Variants in BMPR2 observed in about 807,000 individuals in gnomAD.
BMPR2 encodes the protein bone morphogenetic protein receptor type-2.
In BMPR2, 29 loss-of-function variants were observed where a neutral mutation model predicts 100.8. The observed-to-expected ratio is 0.29, with a 90% CI of 0.21 to 0.39. The LOEUF (loss-of-function observed/expected upper bound fraction) is 0.39. Ranked by LOEUF, BMPR2 falls within the 10% of genes least tolerant of loss-of-function variation. BMPR2 has a pLI of 1.00. For synonymous variants in BMPR2, 382 were observed against 442.3 expected, an observed-to-expected ratio of 0.86 and a Z score of 1.71; for missense variants, 1,011 against 1,274.5, an observed-to-expected ratio of 0.79 and a Z score of 3.15.
intron 1 of BMPR2, among the ~76,000 whole-genome samples, chr2:202,452,399 C>T (rs890936815): frequency 6.6e-5 from 10 of 152,206 alleles, no homozygotes; most frequent in East Asian, 3.9e-4. Flanking sequence ...CAGTTGTTTA[C>T]GTATTGTAAA....
chr2:202,484,892 C>G (rs1326235118), intron 3 of BMPR2, among the ~76,000 whole-genome samples: 3 of 144,888 alleles, frequency 2.1e-5, no homozygotes, highest in Non-Finnish European at 4.5e-5. Context: ...CGGCATGAAC[C>G]TGGGAGGTGG....
At chr2:202,556,915 T>C (rs1688583710) in intron 12 of BMPR2, among the ~76,000 whole-genome samples, 1 of 150,624 alleles carries the variant, frequency 6.6e-6, no homozygotes, top group Non-Finnish European at 1.5e-5. Context: ...TGAAACCCCA[T>C]CTCTAAAAAA....
chr2:202,501,292 T>C (rs1309327328), intron 3 of BMPR2, among the ~76,000 whole-genome samples: 1 of 152,216 alleles, frequency 6.6e-6, no homozygotes, highest in Non-Finnish European at 1.5e-5. Flanking sequence ...TTACCGGCTT[T>C]TGCCGACTAT....
chr2:202,384,130 C>G (rs1690365340), intron 1 of BMPR2, among the ~76,000 whole-genome samples: 1 of 152,144 alleles, frequency 6.6e-6, no homozygotes, highest in Non-Finnish European at 1.5e-5. Context: ...CAAGATTGTG[C>G]CACTTTACTC....
At position 202,532,667 on chromosome 2, in the gene BMPR2, T is replaced by C; in HGVS notation, c.1211T>C (p.Val404Ala). The change falls in exon 9 of 13, where the codon GTA becomes GCA. Residue 404 changes from valine to alanine, a missense_variant. Physicochemically the swap from Val to Ala is moderately conservative, Grantham distance 64 (BLOSUM62 0). Transcript: ENST00000374580. The surrounding 1 kb of genome is among the most constrained non-coding windows in gnomAD (Gnocchi z 4.1). ...GACTGTGAATCAGCTTTGAAACAAG[T>C]AGACATGTATGCTCTTGGACTAATC... ...LRDCESALKQ[V>A]DMYALGLIYW... 6.2e-7 allele frequency: 1 copy of C among 1,613,838 alleles called. No homozygotes were observed. The highest frequency in any genetic ancestry group is 8.5e-7 in the Non-Finnish European group (1 of 1,179,860).
At chr2:202,430,445 A>G (rs1691480591) in intron 1 of BMPR2, among the ~76,000 whole-genome samples, 1 of 152,146 alleles carries the variant, frequency 6.6e-6, no homozygotes, top group Non-Finnish European at 1.5e-5. Flanking sequence ...AATATGTGGA[A>G]TTGTTGAATA....
At position 202,376,991 on chromosome 2, in the gene BMPR2, C is replaced by G; in HGVS notation, c.-484C>G. On this transcript the variant is annotated 5_prime_UTR_variant, in exon 1 of 13. Transcript: ENST00000374580. The stretch of plus-strand genomic sequence containing the variant: ...TGCCTTCCCGGAGCCGCGGGCGATG[C>G]GACTAGGGCTGCCGGGCGCCGCCGC... 1 of 446,158 alleles carries G rather than the reference C, an allele frequency of 2.2e-6. No individual in the cohort carries two copies. Among genetic ancestry groups the G allele is most frequent in the Non-Finnish European group, 3.9e-6 (1 of 254,844 alleles). 27.6% of individuals were successfully genotyped at this position (446,158 alleles called of 1,614,324 possible).
Position 202,448,655 on chromosome 2 carries a change from G to A in BMPR2, c.77-16154G>A, listed in dbSNP as rs575642459. 3.1e-4 allele frequency among the ~76,000 whole-genome samples: 47 copies of A among 150,600 alleles called. 2 individuals carry two copies. The South Asian group carries it at 6.4e-3, about 20-fold the overall frequency. ...GTATTTTTATTAGAGACGGGGTTTC[G>A]ACATGTTAGCCAGGATGGTCTCGAT... On this transcript the variant is annotated intron_variant, in intron 1 of 12. Coordinates refer to ENST00000374580, the MANE Select transcript of BMPR2 (RefSeq NM_001204.7).
chr2:202,533,567 GTAATC>G (rs1688067950), intron 9 of BMPR2, among the ~76,000 whole-genome samples: 2 of 150,124 alleles, frequency 1.3e-5, no homozygotes, highest in Non-Finnish European at 3.0e-5. Context: ...GCTTACACCT[GTAATC>G]CCAGCACTTT....
chr2:202,423,652 C>T (rs879683204), intron 1 of BMPR2, among the ~76,000 whole-genome samples: 97 of 152,176 alleles, frequency 6.4e-4, no homozygotes, highest in African/African-American at 2.0e-3. Context: ...CTACTCAGGA[C>T]GCTGAGGCAG....
At chr2:202,436,729 T>C (rs977514773) in intron 1 of BMPR2, among the ~76,000 whole-genome samples, 1 of 150,578 alleles carries the variant, frequency 6.6e-6, no homozygotes, top group Non-Finnish European at 1.5e-5. Context: ...TTCTAACTTA[T>C]ATATGTGGTC....
At chr2:202,460,617 ACT>A (rs1025462701) in intron 1 of BMPR2, among the ~76,000 whole-genome samples, 5 of 151,954 alleles carry the variant, frequency 3.3e-5, no homozygotes, top group African/African-American at 9.7e-5. Flanking sequence ...ACCTTGAGAA[ACT>A]CTCACAGAAG....
chr2:202,547,988 G>A (rs1237096653), intron 10 of BMPR2, among the ~76,000 whole-genome samples: 2 of 151,964 alleles, frequency 1.3e-5, no homozygotes, highest in African/African-American at 2.4e-5. Context: ...AGGAGGCTGA[G>A]GCAGGAGAAT....
intron 1 of BMPR2, among the ~76,000 whole-genome samples, chr2:202,429,044 T>G (rs1691448903): frequency 6.6e-6 from 1 of 152,122 alleles, no homozygotes; most frequent in South Asian, 2.1e-4. Context: ...CTATACTAGT[T>G]CCATTTGGCC....
At chr2:202,507,637 G>A (rs1012106237) in intron 3 of BMPR2, among the ~76,000 whole-genome samples, 28 of 151,454 alleles carry the variant, frequency 1.8e-4, no homozygotes, top group Non-Finnish European at 2.1e-4. Flanking sequence ...GGTTCTCCCA[G>A]CTTAGCCTCC....
chr2:202,530,046 C>G (rs1687992099), intron 7 of BMPR2, among the ~76,000 whole-genome samples: 1 of 152,126 alleles, frequency 6.6e-6, no homozygotes, highest in Admixed American at 6.6e-5. Context: ...TTCATTCTTT[C>G]AGTCAGCAAT....
intron 1 of BMPR2, among the ~76,000 whole-genome samples, chr2:202,436,592 A>T (rs1470830848): frequency 6.6e-6 from 1 of 150,810 alleles, no homozygotes; most frequent in Non-Finnish European, 1.5e-5. Flanking sequence ...TATCTTTTGA[A>T]TTTGTGAGTT....
rs1267540986 is a variant in BMPR2 at position 202,376,730 on chromosome 2, G to A, written c.-745G>A. On this transcript the variant is annotated 5_prime_UTR_variant, in exon 1 of 13. Coordinates refer to ENST00000374580, the MANE Select transcript of BMPR2 (RefSeq NM_001204.7). Reference sequence around the variant, plus strand: ...GCAGCCTCTCACACCCACTCCGCCTGCCGTCTCGGGGAGCCCGGACCGGGG... The same window carrying A: ...GCAGCCTCTCACACCCACTCCGCCTACCGTCTCGGGGAGCCCGGACCGGGG... Among the ~76,000 whole-genome samples, 1 of 150,748 alleles carries A rather than the reference G, an allele frequency of 6.6e-6. No homozygotes were observed. The highest frequency in any genetic ancestry group is 1.5e-5 in the Non-Finnish European group (1 of 67,708).
intron 8 of BMPR2, among the ~76,000 whole-genome samples, chr2:202,531,376 A>G (rs992484450): frequency 6.6e-6 from 1 of 152,182 alleles, no homozygotes; most frequent in African/African-American, 2.4e-5. Flanking sequence ...AAGACATCTC[A>G]TAAAGGCCTT....
Sources: gnomAD v4.1 joint callset for allele counts (sites outside exome capture counted in the v4.1 genomes callset) on GRCh38, gnomAD v4.1.1 for gene constraint, Gnocchi (gnomAD v3.1) non-coding constraint, MANE v1.5 for transcripts, NCBI Gene and HGNC (gene_info 2026-07-23, HGNC 2026-07-21) for gene names.